RBFOX1: variants seen among roughly 807,000 people sequenced by gnomAD.
The protein encoded by RBFOX1 is RNA binding fox-1 homolog 1, also known as RNA binding protein fox-1 homolog 1.
RBFOX1 carries 8 observed loss-of-function variants against 57.7 expected under a neutral mutation model. The ratio of observed to expected loss-of-function variants is 0.14; its 90% CI spans 0.08 to 0.25. RBFOX1 has a LOEUF of 0.25. RBFOX1 is among the 10% of genes least tolerant of loss of function. RBFOX1 has a pLI of 1.00. For synonymous variants in RBFOX1, 326 were observed against 222.4 expected, an observed-to-expected ratio of 1.47 and a Z score of -4.15; for missense variants, 611 against 548.5, an observed-to-expected ratio of 1.11 and a Z score of -1.14.
chr16:7,626,693 T>G (rs12709202), intron 10 of RBFOX1, among the ~76,000 whole-genome samples: 90,506 of 152,076 alleles, frequency 0.6, 28,097 homozygotes, highest in African/African-American at 0.78. Context: ...GTAAAAGTTA[T>G]TTACATGTAG....
chr16:7,400,392 G>A (rs1248492094), intron 4 of RBFOX1, among the ~76,000 whole-genome samples: 1 of 152,124 alleles, frequency 6.6e-6, no homozygotes, highest in Non-Finnish European at 1.5e-5. Context: ...GGGGCTAGCA[G>A]ACATATTCAG....
At chr16:5,542,283 C>T (rs145115529) in intron 2 of RBFOX1, among the ~76,000 whole-genome samples, 68 of 141,866 alleles carry the variant, frequency 4.8e-4, no homozygotes, top group African/African-American at 1.6e-3. Flanking sequence ...GAGTCTTCCT[C>T]TGTCACCAAG....
chr16:6,106,008 C>A (rs1427009646), intron 1 of RBFOX1, among the ~76,000 whole-genome samples: 4 of 150,674 alleles, frequency 2.7e-5, no homozygotes, highest in South Asian at 4.2e-4. Flanking sequence ...TTTTTTTTTT[C>A]CATCCTAGTT....
intron 2 of RBFOX1, among the ~76,000 whole-genome samples, chr16:6,628,388 C>A (rs937137083): frequency 6.6e-6 from 1 of 152,122 alleles, no homozygotes; most frequent in Non-Finnish European, 1.5e-5. Context: ...CATGGACATG[C>A]ATTTTGTTGT....
chr16:6,240,416 A>G lies in RBFOX1; in HGVS notation c.-126-76579A>G, dbSNP rs190313196. Among the ~76,000 whole-genome samples, 641 of 152,152 alleles carry G rather than the reference A, an allele frequency of 4.2e-3. 6 individuals carry two copies. Among genetic ancestry groups the G allele is most frequent in the Admixed American group, 0.016 (246 of 15,272 alleles). ...TGTGTAGTGTGGGTGGGAAGAACCA[A>G]CTAAGCTCCAGATTAGTTGATGCAT... On this transcript the variant is annotated intron_variant, in intron 1 of 15. Transcript: ENST00000550418.
At chr16:7,113,738 A>T (rs563472932) in intron 4 of RBFOX1, among the ~76,000 whole-genome samples, 93 of 152,186 alleles carry the variant, frequency 6.1e-4, no homozygotes, top group Non-Finnish European at 1.2e-3. Flanking sequence ...ATAATGTCCT[A>T]TGTTATAGAT....
chr16:7,563,682 C>G (rs534318054), intron 5 of RBFOX1, among the ~76,000 whole-genome samples: 2 of 152,220 alleles, frequency 1.3e-5, no homozygotes, highest in South Asian at 2.1e-4. Context: ...GTTGGCCAGA[C>G]TGGTCTCCAA....
At chr16:6,848,560 G>C (rs950218997) in intron 3 of RBFOX1, among the ~76,000 whole-genome samples, 4 of 151,422 alleles carry the variant, frequency 2.6e-5, no homozygotes, top group Non-Finnish European at 4.4e-5. Flanking sequence ...GAAAAGAAGA[G>C]ATAGAAAAAA....
intron 2 of RBFOX1, among the ~76,000 whole-genome samples, chr16:5,587,250 C>A (rs964363198): frequency 1.3e-5 from 2 of 152,082 alleles, no homozygotes; most frequent in Non-Finnish European, 2.9e-5. Flanking sequence ...AGACACAACT[C>A]AATTAAAAAA....
rs115821036 is a variant in RBFOX1, at chr16:6,883,406, A to T, written c.-15-168651A>T. Reference sequence around the variant, plus strand: ...TTAAAATCACAGATTTCAAAATCCAATCAACTTAATTAATGTGTTGGTTCA... The same window carrying T: ...TTAAAATCACAGATTTCAAAATCCATTCAACTTAATTAATGTGTTGGTTCA... On this transcript the variant is annotated intron_variant, in intron 3 of 15. Coordinates refer to ENST00000550418, the MANE Select transcript of RBFOX1 (RefSeq NM_018723.4). 5.1e-3 allele frequency among the ~76,000 whole-genome samples: 782 copies of T among 152,334 alleles called. 12 individuals are homozygous for T. The highest frequency in any genetic ancestry group is 0.018 in the African/African-American group (746 of 41,578).
intron 2 of RBFOX1, among the ~76,000 whole-genome samples, chr16:5,585,748 A>G (rs1426299439): frequency 1.3e-5 from 2 of 152,060 alleles, no homozygotes; most frequent in Non-Finnish European, 2.9e-5. Flanking sequence ...TTACCATCTA[A>G]CTGTATGTGG....
At chr16:6,778,779 A>C (rs2079825343) in intron 3 of RBFOX1, among the ~76,000 whole-genome samples, 1 of 152,028 alleles carries the variant, frequency 6.6e-6, no homozygotes, top group Admixed American at 6.6e-5. Flanking sequence ...TATCGCACAC[A>C]ATAAATCCAC....
intron 2 of RBFOX1, among the ~76,000 whole-genome samples, chr16:6,509,819 A>G (rs1322662249): frequency 2.0e-5 from 3 of 152,218 alleles, no homozygotes; most frequent in Non-Finnish European, 4.4e-5. Context: ...TACACTTACC[A>G]TGTTCTCCCA....
At chr16:6,734,210 A>G (rs1427895438) in intron 3 of RBFOX1, among the ~76,000 whole-genome samples, 2 of 152,124 alleles carry the variant, frequency 1.3e-5, no homozygotes, top group South Asian at 2.1e-4. Context: ...CTGCAATTGT[A>G]TGATGTCTGA....
chr16:6,822,569 C>G (rs563408388), intron 3 of RBFOX1, among the ~76,000 whole-genome samples: 8 of 152,218 alleles, frequency 5.3e-5, no homozygotes, highest in Non-Finnish European at 1.2e-4. Flanking sequence ...ACAGTGAGCT[C>G]TTCGCCGTGC....
At chr16:5,312,833 G>C (rs1165760578) in intron 1 of RBFOX1, among the ~76,000 whole-genome samples, 1 of 152,228 alleles carries the variant, frequency 6.6e-6, no homozygotes, top group Non-Finnish European at 1.5e-5. Context: ...GACAACCAAA[G>C]AATGTCTTCA....
intron 1 of RBFOX1, among the ~76,000 whole-genome samples, chr16:6,216,135 G>A (rs2097334473): frequency 6.6e-6 from 1 of 152,128 alleles, no homozygotes; most frequent in Admixed American, 6.5e-5. Context: ...TTTGGAGGGT[G>A]GGGAGTTGGA....
chr16:7,602,717 G>A lies in RBFOX1; in HGVS notation c.623-4568G>A, dbSNP rs79723910. 6.4e-4 allele frequency among the ~76,000 whole-genome samples: 98 copies of A among 152,180 alleles called. No individual in the cohort carries two copies. In the East Asian group the frequency reaches 0.015, roughly 24 times the overall value. On this transcript the variant is annotated intron_variant, in intron 9 of 15. Coordinates refer to ENST00000550418, the MANE Select transcript of RBFOX1 (RefSeq NM_018723.4). ...TGAGTGGAGGCGATTTTCAAGGGCT[G>A]GATTCTAGACCAAATGGACATAACA...
chr16:5,645,321 A>G (rs895008328), intron 3 of RBFOX1, among the ~76,000 whole-genome samples: 1 of 152,086 alleles, frequency 6.6e-6, no homozygotes, highest in Non-Finnish European at 1.5e-5. Context: ...ACAAAAGGCC[A>G]CATATTGTAT....
Sources: allele counts gnomAD v4.1 joint callset (sites outside exome capture counted in the v4.1 genomes callset), GRCh38; gene constraint gnomAD v4.1.1; transcripts MANE v1.5; gene names NCBI Gene and HGNC (gene_info 2026-07-23, HGNC 2026-07-21).